ZZEF1: variants seen among roughly 807,000 people sequenced by gnomAD.
ZZEF1 encodes the protein zinc finger ZZ-type and EF-hand domain containing 1.
Under a neutral mutation model 342.8 loss-of-function variants are expected in ZZEF1, and 157 were observed. The ratio of observed to expected loss-of-function variants is 0.46; its 90% CI spans 0.40 to 0.52. The LOEUF (loss-of-function observed/expected upper bound fraction) is 0.52. ZZEF1 is among the 20% of genes least tolerant of loss of function. The probability of loss-of-function intolerance (pLI) is 0.00; values close to 1 mark genes in which losing one functional copy is unlikely to be tolerated. For synonymous variants in ZZEF1, 1,505 were observed against 1,429.1 expected (o/e 1.05, Z -1.20); for missense variants, 3,480 against 3,725.6 (o/e 0.93, Z 1.72).
Position 4,034,103 on chromosome 17 carries a change from G to T in ZZEF1, c.6496C>A (p.Leu2166Met). ...VIKVLSAKHN[L>M]FAAGDSSIVP... ...ATGGAACTGTCCCCTGCAGCAAACAGGTTGTGTTTGGCTGAGAGGACTTTG... is the reference window on the plus strand; with the variant it reads ...ATGGAACTGTCCCCTGCAGCAAACATGTTGTGTTTGGCTGAGAGGACTTTG... Residue 2166 changes from leucine (L) to methionine (M), a missense_variant, in exon 40 of 55, where the codon CTG becomes ATG. Leu to Met is a conservative substitution (Grantham distance 15). Transcript: ENST00000381638. 1 of 1,614,232 alleles carries T rather than the reference G, an allele frequency of 6.2e-7. No individual in the cohort carries two copies. Among genetic ancestry groups the T allele is most frequent in the Non-Finnish European group, 8.5e-7 (1 of 1,180,046 alleles).
chr17:4,074,267 C>G lies in ZZEF1; in HGVS notation c.3568G>C (p.Val1190Leu). The G allele has an allele frequency of 6.2e-7, 1 of 1,614,178 alleles. No individual in the cohort carries two copies. Among genetic ancestry groups the G allele is most frequent in the Middle Eastern group, 1.6e-4 (1 of 6,062 alleles). The change falls in exon 24 of 55, where the codon GTC becomes CTC. Residue 1190 changes from valine to leucine, a missense_variant. Val to Leu is a conservative substitution (Grantham distance 32, BLOSUM62 1). Coordinates refer to ENST00000381638, the MANE Select transcript of ZZEF1 (RefSeq NM_015113.4). ...SHNEWGYKFT[V>L]TACGLPDVAV... ...ACATCGGGCAGCCCACAGGCAGTGA[C>G]AGTGAATTTGTAGCCCCATTCGTTG...
intron 11 of ZZEF1, among the ~76,000 whole-genome samples, chr17:4,091,920 T>C (rs1178630844): frequency 1.4e-5 from 2 of 140,210 alleles, no homozygotes; most frequent in African/African-American, 2.7e-5. Context: ...CTACTAAAAA[T>C]ACAAAATTAG....
chr17:4,062,055 C>T (rs151155833), intron 30 of ZZEF1, among the ~76,000 whole-genome samples: 72 of 152,220 alleles, frequency 4.7e-4, no homozygotes, highest in East Asian at 4.1e-3. Context: ...TTATCCCATC[C>T]CATTTTCCCT....
intron 9 of ZZEF1, among the ~76,000 whole-genome samples, chr17:4,097,918 A>G (rs1408104115): frequency 9.5e-6 from 1 of 104,836 alleles, no homozygotes; most frequent in Non-Finnish European, 1.9e-5. Flanking sequence ...GTGAGACCCC[A>G]TTTCTACCAA....
intron 42 of ZZEF1, among the ~76,000 whole-genome samples, chr17:4,030,727 C>T (rs956316805): frequency 7.2e-5 from 11 of 152,162 alleles, no homozygotes; most frequent in East Asian, 1.9e-4. Flanking sequence ...TAAGCGACTG[C>T]GCCTGGCTCC....
chr17:4,064,892 G>A lies in ZZEF1; in HGVS notation c.4250-63C>T, dbSNP rs1718192217. On this transcript the variant is annotated intron_variant, in intron 28 of 54. Coordinates refer to ENST00000381638, the MANE Select transcript of ZZEF1 (RefSeq NM_015113.4). ...AGTTAAAATTATGGGGGAGGGGGAG[G>A]GGAGAGGGATAGCATTAGAGGATAT... 3.2e-6 allele frequency: 4 copies of A among 1,253,666 alleles called. No individual in the cohort carries two copies. The East Asian group carries it at 9.6e-5, about 30-fold the overall frequency. The allele number at this position is 1,253,666 out of a possible 1,614,324, so 77.7% of individuals were successfully genotyped here.
intron 41 of ZZEF1, 125 bp from the exon 42 acceptor site, chr17:4,032,383 C>G (rs2056568146): frequency 9.6e-7 from 1 of 1,036,648 alleles, no homozygotes; most frequent in South Asian, 1.7e-5. Flanking sequence ...GGATAGGGAT[C>G]TTCTCATCTC....
At chr17:4,033,824 G>A (rs2056601909) in intron 40 of ZZEF1, 191 bp downstream of exon 40, 4 of 686,168 alleles carry the variant, frequency 5.8e-6, no homozygotes, top group African/African-American at 1.8e-5. Flanking sequence ...CTGTTTTAAC[G>A]TTGGTGTTAA....
chr17:4,066,584 G>A (rs2057402497), intron 27 of ZZEF1, 44 bp from the exon 28 acceptor site: 1 of 1,576,950 alleles, frequency 6.3e-7, no homozygotes, highest in African/African-American at 1.3e-5. Context: ...TCCAGGCAGG[G>A]AAGCAAGGAC....
intron 8 of ZZEF1, among the ~76,000 whole-genome samples, chr17:4,103,511 C>A (rs1049040541): frequency 6.6e-6 from 1 of 152,058 alleles, no homozygotes; most frequent in African/African-American, 2.4e-5. Flanking sequence ...TATGCCAGTG[C>A]ACTCCAACCT....
At chr17:4,061,999 T>A (rs187961383) in intron 30 of ZZEF1, among the ~76,000 whole-genome samples, 1 of 152,312 alleles carries the variant, frequency 6.6e-6, no homozygotes, top group East Asian at 1.9e-4. Flanking sequence ...CAACTTGGTA[T>A]AACATCGAAA....
In ZZEF1 at chr17:4,021,300, G is replaced by GT. The variant is rs768864183; in HGVS notation, c.7232dup (p.Tyr2411Ter). Residue 2411 changes from tyrosine (Y) to a stop codon, truncating the protein, a stop_gained and frameshift_variant, in exon 45 of 55, where the codon TAC becomes TAAC. Coordinates refer to ENST00000381638, the MANE Select transcript of ZZEF1 (RefSeq NM_015113.4). LOFTEE classifies it high-confidence loss of function. ...AAGCGTTGATCTCCTTTTTTGAGGA[G>GT]TACAGCATGATGGACAAAATCTACA... is the stretch of plus-strand genomic sequence containing the variant. ...RDLEILSIML[Y>*]SSKKEINALA... 6.2e-7 allele frequency: 1 copy of GT among 1,608,312 alleles called. No homozygotes were observed. Among genetic ancestry groups the GT allele is most frequent in the Admixed American group, 1.7e-5 (1 of 59,114 alleles).
In ZZEF1 at chr17:4,054,119, G is replaced by A. The variant is rs1255352373; in HGVS notation, c.5372C>T (p.Pro1791Leu). 1.2e-6 allele frequency: 2 copies of A among 1,613,748 alleles called. No individual in the cohort carries two copies. Among genetic ancestry groups the A allele is most frequent in the Admixed American group, 1.7e-5 (1 of 59,976 alleles). ...ISCDGCDEIA[P>L]WHRYRCLQCS... ...CTGCAGACAGCGGTATCGATGCCAG[G>A]GGGCAATCTCATCACACCCATCACA... Residue 1791 changes from proline (P) to leucine (L), a missense_variant, in exon 34 of 55, where the codon CCC (proline) becomes CTC (leucine). Pro to Leu is a moderately conservative substitution (Grantham distance 98). Around this residue, in one of 5 missense-constraint regions of ZZEF1, gnomAD observed 175 missense variants for 254.6 expected, o/e 0.69. Transcript: ENST00000381638.
chr17:4,036,376 T>A (rs1338940353), intron 39 of ZZEF1, among the ~76,000 whole-genome samples: 2 of 152,180 alleles, frequency 1.3e-5, no homozygotes, highest in Non-Finnish European at 2.9e-5. Flanking sequence ...TTCCCTGAGT[T>A]GTGACAGTCA....
intron 18 of ZZEF1, among the ~76,000 whole-genome samples, chr17:4,079,970 C>G (rs2057691661): frequency 1.3e-5 from 2 of 152,342 alleles, no homozygotes; most frequent in African/African-American, 4.8e-5. Flanking sequence ...GACTAGTCTA[C>G]CACAAAATCT....
rs1475467946 is a variant in ZZEF1 at position 4,006,487 on chromosome 17, G to C, written c.*403C>G. 7.6e-6 allele frequency: 2 copies of C among 262,154 alleles called. No homozygotes were observed. The highest frequency in any genetic ancestry group is 4.6e-5 in the African/African-American group (2 of 43,332). 16.2% of individuals were successfully genotyped at this position (262,154 alleles called of 1,614,324 possible). A position where few individuals can be genotyped will look rare whatever the true frequency, so the allele number is the denominator to read the frequency against. The stretch of plus-strand genomic sequence containing the variant: ...GGGGTCTTGCTGGAAAGGTGGATCT[G>C]GGTGGACTGTGCCTCCCTCTGAAGG... On this transcript the variant is annotated 3_prime_UTR_variant, in exon 55 of 55. Transcript: ENST00000381638.
intron 4 of ZZEF1, 119 bp downstream of exon 4, chr17:4,114,180 G>C: frequency 1.4e-6 from 1 of 720,946 alleles, no homozygotes; most frequent in Non-Finnish European, 2.1e-6. Flanking sequence ...GATTTTACAT[G>C]ATTCATTTTA....
intron 1 of ZZEF1, among the ~76,000 whole-genome samples, chr17:4,126,922 A>G (rs954795883): frequency 6.6e-5 from 10 of 152,044 alleles, no homozygotes; most frequent in Non-Finnish European, 1.3e-4. Context: ...AGCCAAAATT[A>G]TAACACTGCA....
Position 4,133,170 on chromosome 17 carries a change from G to C in ZZEF1, c.355-9119C>G, listed in dbSNP as rs1049440490. 2.0e-5 allele frequency among the ~76,000 whole-genome samples: 3 copies of C among 152,106 alleles called. No individual in the cohort carries two copies. In the East Asian group the frequency reaches 5.8e-4, roughly 29 times the overall value. On this transcript the variant is annotated intron_variant, in intron 1 of 54. Transcript: ENST00000381638. Reference sequence around the variant, plus strand: ...AGCACAGCTATCATTCATTCAGTTGGGAACGACACACAGACTTGGAAACTA... The same window carrying C: ...AGCACAGCTATCATTCATTCAGTTGCGAACGACACACAGACTTGGAAACTA...
Sources: allele counts gnomAD v4.1 joint callset (sites outside exome capture counted in the v4.1 genomes callset), GRCh38; gene constraint gnomAD v4.1.1; regional missense constraint gnomAD v4.1.1; transcripts MANE v1.5; gene names NCBI Gene and HGNC (gene_info 2026-07-23, HGNC 2026-07-21).